Variants in MACROD2 observed in about 807,000 individuals in gnomAD.
The protein encoded by MACROD2 is ADP-ribose glycohydrolase MACROD2.
A neutral mutation model predicts 70.4 loss-of-function variants in MACROD2; 36 were observed. That is an observed-to-expected ratio of 0.51 (90% confidence interval 0.39 to 0.68). The LOEUF (loss-of-function observed/expected upper bound fraction) is 0.68. Among genes scored for constraint, MACROD2 ranks in the 30% least tolerant of loss-of-function variants. The pLI is 0.00. For synonymous variants in MACROD2, 172 were observed against 178.8 expected (o/e 0.96, Z 0.30); for missense variants, 496 against 538.4 (o/e 0.92, Z 0.78).
chr20:15,528,831 T>C (rs1478131180), intron 8 of MACROD2, among the ~76,000 whole-genome samples: 1 of 152,062 alleles, frequency 6.6e-6, no homozygotes, highest in African/African-American at 2.4e-5. Context: ...GAAACTCTTA[T>C]CACTTTTATC....
intron 15 of MACROD2, among the ~76,000 whole-genome samples, chr20:16,038,256 A>G (rs963676649): frequency 6.6e-6 from 1 of 151,932 alleles, no homozygotes; most frequent in Non-Finnish European, 1.5e-5. Flanking sequence ...CTTCGGAATC[A>G]TAACAGTCTT....
At chr20:14,240,887 T>C (rs1173004138) in intron 3 of MACROD2, among the ~76,000 whole-genome samples, 1 of 152,124 alleles carries the variant, frequency 6.6e-6, no homozygotes, top group Non-Finnish European at 1.5e-5. Flanking sequence ...TCTCAGCACT[T>C]TGGGAGGCCG....
chr20:14,352,398 G>A (rs953583430), intron 3 of MACROD2: 11 of 152,088 alleles, frequency 7.2e-5, no homozygotes, highest in African/African-American at 2.7e-4. Flanking sequence ...AGGATGACAA[G>A]CAAATTTGTG....
intron 5 of MACROD2, among the ~76,000 whole-genome samples, chr20:15,014,357 T>A (rs77826701): frequency 6.6e-6 from 1 of 152,196 alleles, no homozygotes; most frequent in East Asian, 1.9e-4. Context: ...TTTATGGTGA[T>A]GTGAAGGAAA....
intron 5 of MACROD2, among the ~76,000 whole-genome samples, chr20:15,095,388 A>G (rs76813640): frequency 9.4e-4 from 142 of 151,382 alleles, no homozygotes; most frequent in African/African-American, 3.4e-3. Flanking sequence ...TGTGGTCTCT[A>G]ATGAGCCAGT....
intron 2 of MACROD2, among the ~76,000 whole-genome samples, chr20:14,004,903 A>G (rs1441516412): frequency 6.6e-6 from 1 of 152,134 alleles, no homozygotes; most frequent in East Asian, 1.9e-4. Flanking sequence ...TTAATATCTT[A>G]TCATTACTTA....
chr20:15,846,910 ATT>A (rs200644217), intron 8 of MACROD2, among the ~76,000 whole-genome samples: 1,435 of 22,794 alleles, frequency 0.063, 62 homozygotes, highest in East Asian at 0.38. Flanking sequence ...CAAAAAAAAA[ATT>A]ATATATATAT....
At chr20:15,603,285 G>A (rs1418409588) in intron 8 of MACROD2, among the ~76,000 whole-genome samples, 20 of 151,898 alleles carry the variant, frequency 1.3e-4, no homozygotes, top group Admixed American at 8.5e-4. Context: ...GATCCTTTGA[G>A]GTCAGGAGTT....
chr20:14,792,523 C>T (rs907075172), intron 5 of MACROD2, among the ~76,000 whole-genome samples: 1 of 151,982 alleles, frequency 6.6e-6, no homozygotes, highest in Non-Finnish European at 1.5e-5. Context: ...CCGAAACCCT[C>T]CTGTTCATAA....
intron 4 of MACROD2, among the ~76,000 whole-genome samples, chr20:14,653,603 G>C (rs1269519994): frequency 6.6e-6 from 1 of 151,286 alleles, no homozygotes; most frequent in Non-Finnish European, 1.5e-5. Flanking sequence ...TGATTCTCCT[G>C]CCTTGGCCTC....
At chr20:14,446,064 A>T (rs541489949) in intron 3 of MACROD2, among the ~76,000 whole-genome samples, 2 of 152,010 alleles carry the variant, frequency 1.3e-5, no homozygotes, top group Non-Finnish European at 2.9e-5. Context: ...AGTTTGGGGC[A>T]TGTGATTCAC....
At chr20:15,710,749 A>G (rs2050614529) in intron 8 of MACROD2, among the ~76,000 whole-genome samples, 1 of 152,208 alleles carries the variant, frequency 6.6e-6, no homozygotes, top group Non-Finnish European at 1.5e-5. Flanking sequence ...TTCATAACAC[A>G]TATTTGTCTG....
chr20:14,640,205 C>T (rs1026662011), intron 4 of MACROD2, among the ~76,000 whole-genome samples: 8 of 152,132 alleles, frequency 5.3e-5, no homozygotes, highest in African/African-American at 1.4e-4. Context: ...CAGCTAACAA[C>T]AGGTCAAAAA....
chr20:14,906,948 T>G (rs963094930), intron 5 of MACROD2, among the ~76,000 whole-genome samples: 1 of 152,172 alleles, frequency 6.6e-6, no homozygotes, highest in African/African-American at 2.4e-5. Flanking sequence ...AAGGCTAACA[T>G]GTAAATACAG....
At chr20:14,220,600 C>T (rs1215237312) in intron 3 of MACROD2, among the ~76,000 whole-genome samples, 1 of 152,172 alleles carries the variant, frequency 6.6e-6, no homozygotes, top group South Asian at 2.1e-4. Context: ...ATTTCCTTCT[C>T]CCTGTGTAGT....
At chr20:15,233,509 A>T (rs2076977371) in intron 6 of MACROD2, among the ~76,000 whole-genome samples, 1 of 152,154 alleles carries the variant, frequency 6.6e-6, no homozygotes, top group Non-Finnish European at 1.5e-5. Context: ...GAAATAAGAT[A>T]CTGATTTGGG....
chr20:15,924,549 T>G (rs2065460440), intron 10 of MACROD2, among the ~76,000 whole-genome samples: 2 of 152,198 alleles, frequency 1.3e-5, no homozygotes, highest in Non-Finnish European at 2.9e-5. Context: ...CAGTTTCACT[T>G]TGTGCAGGCA....
chr20:14,223,895 A>G (rs1173563554), intron 3 of MACROD2, among the ~76,000 whole-genome samples: 1 of 152,194 alleles, frequency 6.6e-6, no homozygotes, highest in African/African-American at 2.4e-5. Context: ...GATGGCTCAC[A>G]TGATTGTGGA....
intron 15 of MACROD2, among the ~76,000 whole-genome samples, chr20:15,999,114 G>A (rs570622441): frequency 6.6e-6 from 1 of 151,748 alleles, no homozygotes; most frequent in South Asian, 2.1e-4. Flanking sequence ...TTTTCTTAAT[G>A]TAGGCATTCA....
Sources: gnomAD v4.1 joint callset for allele counts (sites outside exome capture counted in the v4.1 genomes callset) on GRCh38, gnomAD v4.1.1 for gene constraint, MANE v1.5 for transcripts, NCBI Gene and HGNC (gene_info 2026-07-23, HGNC 2026-07-21) for gene names.